The following ANKUB1 variants were observed in gnomAD, a reference collection of about 807,000 sequenced individuals.
The protein encoded by ANKUB1 is protein ANKUB1.
ANKUB1 carries 42 observed loss-of-function variants against 49.3 expected under a neutral mutation model. That is an observed-to-expected ratio of 0.85 (90% confidence interval 0.67 to 1.10). The LOEUF is 1.10. Among genes scored for constraint, ANKUB1 ranks in the 50% least tolerant of loss-of-function variants. The pLI, the probability that ANKUB1 is intolerant of heterozygous loss-of-function variation, is 0.00. For missense variants in ANKUB1, 613 were observed against 642.0 expected, an observed-to-expected ratio of 0.95 and a Z score of 0.49; for synonymous variants, 222 against 231.0, an observed-to-expected ratio of 0.96 and a Z score of 0.35.
In ANKUB1 at chr3:149,792,321, C is replaced by T. The variant is rs368657651; in HGVS notation, c.46G>A (p.Val16Ile). 101 of 1,533,102 alleles carry T rather than the reference C, an allele frequency of 6.6e-5. No homozygotes were observed. The Middle Eastern group carries it at 6.8e-4, about 10-fold the overall frequency. 95.0% of individuals were successfully genotyped at this position (1,533,102 alleles called of 1,614,324 possible). Residue 16 changes from valine (V) to isoleucine (I), a missense_variant, in exon 1 of 6, where the codon GTT becomes ATT. By Grantham distance (29) the Val-to-Ile change is conservative (BLOSUM62 3). Transcript: ENST00000446160. The stretch of plus-strand genomic sequence containing the variant: ...ACCTCCACAGTTTCATCTGCTGAAA[C>T]ATCAAACGGTTCAAAAGATCCTTCA... Reference protein sequence around the residue: ...AFEGSFEPFDVSADETVEVVK... With the variant: ...AFEGSFEPFDISADETVEVVK...
chr3:149,778,699 G>A (rs1031712696), intron 3 of ANKUB1: 1 of 152,120 alleles, frequency 6.6e-6, no homozygotes, highest in African/African-American at 2.4e-5. Context: ...AGAAATTGTA[G>A]AACTTCACTT....
chr3:149,769,937 G>A (rs186766393), intron 4 of ANKUB1, among the ~76,000 whole-genome samples: 1 of 151,948 alleles, frequency 6.6e-6, no homozygotes, highest in African/African-American at 2.4e-5. Context: ...GAACTGTCAG[G>A]GTTCAGTTTG....
At chr3:149,771,344 C>T (rs1295341828) in intron 3 of ANKUB1, among the ~76,000 whole-genome samples, 1 of 152,210 alleles carries the variant, frequency 6.6e-6, no homozygotes, top group South Asian at 2.1e-4. Flanking sequence ...GTGAACCAAC[C>T]TAGCTCACTT....
chr3:149,792,202 C>G (rs1465359011), intron 1 of ANKUB1, 75 bp downstream of exon 1: 1 of 1,058,710 alleles, frequency 9.4e-7, no homozygotes, highest in East Asian at 3.0e-5. Flanking sequence ...GCATCTCTAC[C>G]CTTTGTACAT....
chr3:149,767,024 G>C lies in ANKUB1; in HGVS notation c.1505+133C>G, dbSNP rs1384202138. The C allele has an allele frequency of 6.7e-6, 7 of 1,038,590 alleles. No individual in the cohort carries two copies. The East Asian group carries it at 1.8e-4, about 27-fold the overall frequency. The allele number at this position is 1,038,590 out of a possible 1,614,324, so 64.3% of individuals were successfully genotyped here. On this transcript the variant is annotated intron_variant, in intron 5 of 5. Coordinates refer to ENST00000446160, the MANE Select transcript of ANKUB1 (RefSeq NM_001144960.3). ...GTGATGAGGCTAAGATGAGGTCCTT[G>C]AAGCTGGGTATTGATGCACTGGAAC...
At chr3:149,772,968 A>G (rs1347498414) in intron 3 of ANKUB1, among the ~76,000 whole-genome samples, 1 of 152,184 alleles carries the variant, frequency 6.6e-6, no homozygotes, top group Non-Finnish European at 1.5e-5. Flanking sequence ...GATAGATCTT[A>G]AAAGACCAGC....
intron 5 of ANKUB1, among the ~76,000 whole-genome samples, chr3:149,762,876 C>T (rs1407336122): frequency 6.6e-6 from 1 of 152,166 alleles, no homozygotes; most frequent in Non-Finnish European, 1.5e-5. Flanking sequence ...TGCAAATCCA[C>T]GTACCTTCCT....
chr3:149,772,683 T>C (rs1449235734), intron 3 of ANKUB1, among the ~76,000 whole-genome samples: 2 of 152,210 alleles, frequency 1.3e-5, no homozygotes, highest in East Asian at 1.9e-4. Context: ...TCCACTGAGA[T>C]CCAAGCTTCA....
intron 5 of ANKUB1, among the ~76,000 whole-genome samples, chr3:149,764,672 T>C (rs1359276117): frequency 2.3e-5 from 2 of 85,132 alleles, no homozygotes; most frequent in East Asian, 3.5e-4. Context: ...CTTTCTTTCT[T>C]TTTCTTTCCT....
chr3:149,789,359 G>A (rs1286053086), intron 2 of ANKUB1, among the ~76,000 whole-genome samples: 2 of 151,986 alleles, frequency 1.3e-5, no homozygotes, highest in Non-Finnish European at 2.9e-5. Flanking sequence ...ACAGACTTCT[G>A]GGAAATTTTA....
At chr3:149,768,451 A>G (rs1309065963) in intron 4 of ANKUB1, among the ~76,000 whole-genome samples, 3 of 152,212 alleles carry the variant, frequency 2.0e-5, no homozygotes, top group Non-Finnish European at 4.4e-5. Flanking sequence ...TCAAGTATAG[A>G]TGGTCAAGCA....
chr3:149,769,010 A>G (rs1559863272), intron 4 of ANKUB1, among the ~76,000 whole-genome samples: 1 of 152,242 alleles, frequency 6.6e-6, no homozygotes, highest in Non-Finnish European at 1.5e-5. Flanking sequence ...AAAGCAACAC[A>G]GCTATTTCTT....
chr3:149,769,235 A>G (rs1306405384), intron 4 of ANKUB1, among the ~76,000 whole-genome samples: 4 of 152,200 alleles, frequency 2.6e-5, no homozygotes, highest in Non-Finnish European at 4.4e-5. Context: ...GATTAGTGCA[A>G]TTTATGTATT....
chr3:149,779,152 T>C (rs1320131149), intron 3 of ANKUB1: 1 of 152,022 alleles, frequency 6.6e-6, no homozygotes, highest in East Asian at 1.9e-4. Flanking sequence ...GTTTGGCTAC[T>C]GCAGACGTGA....
chr3:149,762,106 T>G (rs1403344657), intron 5 of ANKUB1, among the ~76,000 whole-genome samples: 1 of 152,226 alleles, frequency 6.6e-6, no homozygotes, highest in African/African-American at 2.4e-5. Flanking sequence ...ATACGATTAC[T>G]CTTTGTAGGA....
chr3:149,792,495 A>G lies in ANKUB1; in HGVS notation c.-129T>C, dbSNP rs1314472178. Reference sequence around the variant, plus strand: ...GAGGCAGCTGTCACTGTCTAGCCTCAAAGGTAAGTTGTAGAATGTGAAGAG... The same window carrying G: ...GAGGCAGCTGTCACTGTCTAGCCTCGAAGGTAAGTTGTAGAATGTGAAGAG... On this transcript the variant is annotated 5_prime_UTR_variant, in exon 1 of 6. Transcript: ENST00000446160. 3.2e-6 allele frequency: 2 copies of G among 621,770 alleles called. No individual in the cohort carries two copies. Among genetic ancestry groups the G allele is most frequent in the Non-Finnish European group, 5.2e-6 (2 of 387,328 alleles). 38.5% of individuals were successfully genotyped at this position (621,770 alleles called of 1,614,324 possible).
At chr3:149,774,615 A>G (rs369083028) in intron 3 of ANKUB1, among the ~76,000 whole-genome samples, 21 of 152,278 alleles carry the variant, frequency 1.4e-4, no homozygotes, top group African/African-American at 4.6e-4. Context: ...TCTCCTTAAC[A>G]TTGGTGGGGC....
At chr3:149,777,166 A>G (rs1172214107) in intron 3 of ANKUB1, among the ~76,000 whole-genome samples, 1 of 151,460 alleles carries the variant, frequency 6.6e-6, no homozygotes, top group Non-Finnish European at 1.5e-5. Flanking sequence ...ACCAGATTAA[A>G]CCTCTCCTAA....
chr3:149,783,675 A>C (rs1717964526), intron 2 of ANKUB1: 1 of 152,208 alleles, frequency 6.6e-6, no homozygotes, highest in South Asian at 2.1e-4. Flanking sequence ...TTGGAGTTAC[A>C]GCACTAAGTA....
Sources: allele counts gnomAD v4.1 joint callset (sites outside exome capture counted in the v4.1 genomes callset), GRCh38; gene constraint gnomAD v4.1.1; transcripts MANE v1.5; gene names NCBI Gene and HGNC (gene_info 2026-07-23, HGNC 2026-07-21).